Variants in SHTN1 observed in about 807,000 individuals in gnomAD.
The protein encoded by SHTN1 is shootin-1.
SHTN1 carries 42 observed loss-of-function variants against 83.1 expected under a neutral mutation model. The ratio of observed to expected loss-of-function variants is 0.51; its 90% confidence interval spans 0.39 to 0.65. SHTN1 has a LOEUF of 0.65. Among genes scored for constraint, SHTN1 ranks in the 30% least tolerant of loss-of-function variants. The probability of loss-of-function intolerance (pLI) is 0.00; values close to 1 mark genes in which losing one functional copy is unlikely to be tolerated. For missense variants in SHTN1, 622 were observed against 737.8 expected (o/e 0.84, Z 1.82); for synonymous variants, 224 against 247.7 (o/e 0.90, Z 0.90).
Position 116,902,999 on chromosome 10 carries a change from G to A in SHTN1, c.1481-1042C>T, listed in dbSNP as rs538155990. On this transcript the variant is annotated intron_variant, in intron 15 of 16. Transcript: ENST00000355371. Reference sequence around the variant, plus strand: ...TGCCTGATATACTCAGTATAATAGCGTAACATATCAACTCTAAAAATGAAG... The same window carrying A: ...TGCCTGATATACTCAGTATAATAGCATAACATATCAACTCTAAAAATGAAG... 1.1e-4 allele frequency among the ~76,000 whole-genome samples: 17 copies of A among 152,238 alleles called. No individual in the cohort carries two copies. The South Asian group carries it at 2.5e-3, about 22-fold the overall frequency.
At chr10:117,031,410 A>C (rs1180823189) in intron 2 of SHTN1, among the ~76,000 whole-genome samples, 1 of 152,202 alleles carries the variant, frequency 6.6e-6, no homozygotes, top group Non-Finnish European at 1.5e-5. Flanking sequence ...AATCCTCTGA[A>C]GGTACAAAAC....
At position 117,051,691 on chromosome 10, in the gene SHTN1, C is replaced by T. The variant is rs1052413625; in HGVS notation, c.-188-3181G>A. 2.0e-5 allele frequency among the ~76,000 whole-genome samples: 3 copies of T among 151,308 alleles called. No individual in the cohort carries two copies. In the South Asian group the frequency reaches 6.3e-4, roughly 32 times the overall value. On this transcript the variant is annotated intron_variant, in intron 1 of 17. Transcript: ENST00000392901. Reference sequence around the variant, plus strand: ...TGATCTCAATTGATCTAGTAAAAGCCTTTGACAAAACCCAACACCCTTTCA... The same window carrying T: ...TGATCTCAATTGATCTAGTAAAAGCTTTTGACAAAACCCAACACCCTTTCA...
rs2133290614 is a variant in SHTN1, at chr10:116,884,042, A to G, written c.*2302T>C. 3.7e-6 allele frequency: 1 copy of G among 273,808 alleles called. No individual in the cohort carries two copies. The highest frequency in any genetic ancestry group is 7.5e-6 in the Non-Finnish European group (1 of 133,124). 17.0% of individuals were successfully genotyped at this position (273,808 alleles called of 1,614,324 possible). ...TTTTCTTAAAGAAAAAAAATCCTCT[A>G]TAGCGCACAAGACTTAATTTATCTT... On this transcript the variant is annotated 3_prime_UTR_variant, in exon 17 of 17. Transcript: ENST00000355371.
At chr10:116,909,640 C>T (rs1848110827) in intron 14 of SHTN1, among the ~76,000 whole-genome samples, 3 of 152,088 alleles carry the variant, frequency 2.0e-5, no homozygotes, top group Non-Finnish European at 2.9e-5. Flanking sequence ...TTTGGAAAAA[C>T]GAGGTCAGTC....
chr10:117,049,179 G>A (rs747042619), intron 1 of SHTN1, among the ~76,000 whole-genome samples: 1 of 152,266 alleles, frequency 6.6e-6, no homozygotes, highest in South Asian at 2.1e-4. Flanking sequence ...TGCAGTCATG[G>A]TTCAGGTCAG....
chr10:117,008,418 A>G (rs1048174737), upstream of SHTN1, among the ~76,000 whole-genome samples: 14 of 152,208 alleles, frequency 9.2e-5, no homozygotes, highest in African/African-American at 3.1e-4. Context: ...CACTAATTCT[A>G]TATCAGGGAA....
intron 1 of SHTN1, among the ~76,000 whole-genome samples, chr10:117,078,737 A>G (rs904756627): frequency 2.0e-5 from 3 of 152,212 alleles, no homozygotes; most frequent in African/African-American, 4.8e-5. Context: ...AAATGAAGAG[A>G]ACCAGAAGAG....
In SHTN1 at chr10:117,083,249, A is replaced by G. The variant is rs368822867; in HGVS notation, c.-188-34739T>C. 5.6e-3 allele frequency among the ~76,000 whole-genome samples: 761 copies of G among 135,824 alleles called. 2 individuals carry two copies. Among genetic ancestry groups the G allele is most frequent in the Non-Finnish European group, 5.9e-3 (360 of 61,114 alleles). The allele number at this position is 135,824 out of a possible 152,430, so 89.1% of individuals were successfully genotyped here. On this transcript the variant is annotated intron_variant, in intron 1 of 17. Coordinates refer to the SHTN1 transcript ENST00000392901. The stretch of plus-strand genomic sequence containing the variant: ...AGTCCTGGTGGTGACAAAATCTCTC[A>G]GCATTTGCTTGTCTGTAAAGTATTT...
intron 1 of SHTN1, among the ~76,000 whole-genome samples, chr10:117,100,893 G>A (rs1853581941): frequency 6.6e-6 from 1 of 152,300 alleles, no homozygotes. Context: ...GTGTAGCTGA[G>A]AGTAGTGACT....
At chr10:117,023,309 C>A (rs1416613659) in intron 2 of SHTN1, among the ~76,000 whole-genome samples, 4 of 152,178 alleles carry the variant, frequency 2.6e-5, no homozygotes, top group African/African-American at 9.6e-5. Flanking sequence ...CTATCATTCC[C>A]ATGGTCCCAA....
intron 12 of SHTN1, among the ~76,000 whole-genome samples, chr10:116,919,495 A>G (rs1469860748): frequency 1.3e-5 from 2 of 152,210 alleles, no homozygotes; most frequent in Non-Finnish European, 2.9e-5. Context: ...AAAACTGTAT[A>G]GGTCCTAAAA....
intron 7 of SHTN1, among the ~76,000 whole-genome samples, chr10:116,948,012 C>G (rs1362888136): frequency 6.6e-6 from 1 of 152,140 alleles, no homozygotes; most frequent in Admixed American, 6.6e-5. Context: ...ATAGGGAAGG[C>G]CCTGGGTCGC....
intron 1 of SHTN1, among the ~76,000 whole-genome samples, chr10:117,116,180 G>GA (rs376221187): frequency 0.013 from 1,823 of 143,194 alleles, 30 homozygotes; most frequent in African/African-American, 0.044. Context: ...GGTAGATTGA[G>GA]AAAAAAAAAA....
intron 2 of SHTN1, among the ~76,000 whole-genome samples, chr10:116,973,012 C>G (rs1238166977): frequency 6.6e-6 from 1 of 152,172 alleles, no homozygotes; most frequent in Non-Finnish European, 1.5e-5. Flanking sequence ...CATTGGCAGA[C>G]TGATTTGTAG....
Position 116,946,074 on chromosome 10 carries a change from A to G in SHTN1, c.617-1056T>C, listed in dbSNP as rs974295080. On this transcript the variant is annotated intron_variant, in intron 7 of 16. Transcript: ENST00000355371. ...GGCAAAACTACAAATAAAAGAAAGG[A>G]AATAATAAAAATTCAAGGGAGGGGT... is the stretch of plus-strand genomic sequence containing the variant. 2.0e-5 allele frequency among the ~76,000 whole-genome samples: 3 copies of G among 152,016 alleles called. No individual in the cohort carries two copies. In the East Asian group the frequency reaches 5.8e-4, roughly 29 times the overall value.
intron 1 of SHTN1, among the ~76,000 whole-genome samples, chr10:117,066,077 AGAAAAG>A (rs1394532060): frequency 1.3e-5 from 2 of 152,082 alleles, no homozygotes; most frequent in African/African-American, 2.4e-5. Flanking sequence ...AAAAAAGAAA[AGAAAAG>A]GAAAAGAAAC....
At chr10:117,088,702 G>A (rs1450337695) in intron 1 of SHTN1, among the ~76,000 whole-genome samples, 1 of 152,194 alleles carries the variant, frequency 6.6e-6, no homozygotes, top group Non-Finnish European at 1.5e-5. Flanking sequence ...CACCTGCAAC[G>A]TATAGGCTGT....
intron 1 of SHTN1, among the ~76,000 whole-genome samples, chr10:117,003,569 G>T (rs1366401195): frequency 6.6e-6 from 1 of 151,914 alleles, no homozygotes; most frequent in Non-Finnish European, 1.5e-5. Context: ...CTTCCCAACG[G>T]TGTCTGTGGT....
At chr10:116,914,211 T>A (rs1472265188) in intron 13 of SHTN1, among the ~76,000 whole-genome samples, 1 of 152,132 alleles carries the variant, frequency 6.6e-6, no homozygotes, top group Non-Finnish European at 1.5e-5. Flanking sequence ...TGGTGGCTCA[T>A]GCCTGTAATC....
Sources: allele counts gnomAD v4.1 joint callset (sites outside exome capture counted in the v4.1 genomes callset), GRCh38; gene constraint gnomAD v4.1.1; transcripts MANE v1.5; gene names NCBI Gene and HGNC (gene_info 2026-07-23, HGNC 2026-07-21).